Variants in DYM observed in about 807,000 individuals in gnomAD.
DYM encodes dyggve-Melchior-Clausen syndrome protein.
In DYM, 78 loss-of-function variants were observed where a neutral mutation model predicts 93.1. The observed-to-expected ratio is 0.84, with a 90% CI of 0.70 to 1.01. The LOEUF (loss-of-function observed/expected upper bound fraction) is 1.01, where lower values mean the gene tolerates loss of function less well. Ranked by LOEUF, DYM falls within the 50% of genes least tolerant of loss-of-function variation. The pLI, the probability that DYM is intolerant of heterozygous loss-of-function variation, is 0.00. For synonymous variants in DYM, 321 were observed against 319.7 expected (o/e 1.00, Z -0.04); for missense variants, 789 against 845.0 (o/e 0.93, Z 0.82).
chr18:49,056,229 T>C (rs1320218956), intron 17 of DYM, among the ~76,000 whole-genome samples: 3 of 152,182 alleles, frequency 2.0e-5, no homozygotes, highest in Non-Finnish European at 4.4e-5. Context: ...TCTGCTAGCA[T>C]TGCCACAGAG....
At chr18:49,053,541 C>T (rs901041731) in intron 17 of DYM, among the ~76,000 whole-genome samples, 1 of 152,088 alleles carries the variant, frequency 6.6e-6, no homozygotes, top group Non-Finnish European at 1.5e-5. Context: ...CAAGGCAGAC[C>T]AGTAACTGTT....
chr18:49,232,880 G>C (rs945183334), intron 13 of DYM, among the ~76,000 whole-genome samples: 4 of 151,972 alleles, frequency 2.6e-5, no homozygotes, highest in African/African-American at 9.7e-5. Flanking sequence ...AAAGTGCTGG[G>C]ATTACGGGAG....
intron 17 of DYM, among the ~76,000 whole-genome samples, chr18:49,066,972 T>C (rs939812891): frequency 6.6e-6 from 1 of 152,228 alleles, no homozygotes; most frequent in African/African-American, 2.4e-5. Context: ...AAAAGGCAGA[T>C]AGCAGGTCCT....
chr18:49,223,147 G>A (rs2093423072), intron 13 of DYM, among the ~76,000 whole-genome samples: 1 of 152,010 alleles, frequency 6.6e-6, no homozygotes, highest in East Asian at 1.9e-4. Flanking sequence ...AAGGACACAG[G>A]AAGATGCAAA....
intron 15 of DYM, among the ~76,000 whole-genome samples, chr18:49,136,209 G>T (rs978935073): frequency 5.9e-5 from 9 of 152,182 alleles, no homozygotes; most frequent in Non-Finnish European, 1.3e-4. Flanking sequence ...TTTAAAAACA[G>T]TTTGAAAGTC....
At chr18:49,322,236 A>G (rs911882706) in intron 8 of DYM, among the ~76,000 whole-genome samples, 6 of 152,240 alleles carry the variant, frequency 3.9e-5, no homozygotes, top group African/African-American at 1.4e-4. Flanking sequence ...TGGATGGCTC[A>G]TTCAAATGGA....
At chr18:49,266,156 G>C (rs2094567755) in intron 11 of DYM, among the ~76,000 whole-genome samples, 1 of 152,050 alleles carries the variant, frequency 6.6e-6, no homozygotes. Flanking sequence ...GGAAGAAAGA[G>C]ATGAAAAGAA....
intron 1 of DYM, among the ~76,000 whole-genome samples, chr18:49,458,923 TTGCTTTAAAA>T: frequency 6.6e-6 from 1 of 152,318 alleles, no homozygotes; most frequent in Middle Eastern, 3.4e-3. Context: ...TGTCTATGAT[TTGCTTTAAAA>T]TAATTGTGAG....
chr18:49,423,829 C>T (rs980114502), intron 2 of DYM, among the ~76,000 whole-genome samples: 10 of 152,152 alleles, frequency 6.6e-5, no homozygotes, highest in Non-Finnish European at 1.5e-5. Context: ...CACATACACC[C>T]TCCCAAGACT....
At chr18:49,150,233 A>G (rs574541263) in intron 15 of DYM, among the ~76,000 whole-genome samples, 3 of 152,228 alleles carry the variant, frequency 2.0e-5, no homozygotes, top group Non-Finnish European at 4.4e-5. Flanking sequence ...AAGAGAGATC[A>G]TATCTGATTA....
At chr18:49,112,106 T>TGCACCCGCCTCCTCTCC (rs1184612745) in intron 16 of DYM, among the ~76,000 whole-genome samples, 5 of 92,672 alleles carry the variant, frequency 5.4e-5, no homozygotes, top group Non-Finnish European at 8.2e-5. Context: ...TGCCTGCCTC[T>TGCACCCGCCTCCTCTCC]GCACCCGCCT....
At chr18:49,140,657 A>C (rs1165203839) in intron 15 of DYM, among the ~76,000 whole-genome samples, 2 of 152,246 alleles carry the variant, frequency 1.3e-5, no homozygotes, top group African/African-American at 4.8e-5. Context: ...AAACAAGTTT[A>C]TCTATTATCA....
chr18:49,412,236 TAAAAAAA>T (rs67065136), intron 2 of DYM, among the ~76,000 whole-genome samples: 4 of 135,096 alleles, frequency 3.0e-5, no homozygotes, highest in Non-Finnish European at 6.3e-5. Flanking sequence ...AACATTGACT[TAAAAAAA>T]AAAAAAAAAA....
intron 11 of DYM, among the ~76,000 whole-genome samples, chr18:49,268,082 T>C (rs2094602349): frequency 6.6e-6 from 1 of 152,138 alleles, no homozygotes; most frequent in South Asian, 2.1e-4. Flanking sequence ...ATTTAAAAAA[T>C]GGCAAAAAGA....
At chr18:49,378,251 TGAAA>T (rs2067699794) in intron 5 of DYM, among the ~76,000 whole-genome samples, 2 of 152,236 alleles carry the variant, frequency 1.3e-5, no homozygotes, top group Admixed American at 6.5e-5. Context: ...CTCTGTTTTC[TGAAA>T]GAAATACATA....
chr18:49,113,425 A>T (rs2081612237), intron 16 of DYM, among the ~76,000 whole-genome samples: 1 of 152,230 alleles, frequency 6.6e-6, no homozygotes, highest in South Asian at 2.1e-4. Context: ...GATAGGCACC[A>T]GTGTGTAATA....
chr18:49,081,996 A>T (rs2078090135), intron 17 of DYM, among the ~76,000 whole-genome samples: 1 of 152,222 alleles, frequency 6.6e-6, no homozygotes, highest in Admixed American at 6.5e-5. Flanking sequence ...AGCTGGTCTT[A>T]GTTCAGAGTT....
At chr18:49,230,547 A>G (rs2093664588) in intron 13 of DYM, among the ~76,000 whole-genome samples, 1 of 152,250 alleles carries the variant, frequency 6.6e-6, no homozygotes, top group Non-Finnish European at 1.5e-5. Flanking sequence ...CTATACTGAA[A>G]TGAGATAAGT....
rs1160168580 is a variant in DYM, at chr18:49,289,751, A to G, written c.764-3135T>C. ...TGTATATATATATATATATATATAT[A>G]TATATATATATATATATATATACAC... On this transcript the variant is annotated intron_variant, in intron 8 of 17. Coordinates refer to ENST00000675505, the MANE Select transcript of DYM (RefSeq NM_001353214.3). Among the ~76,000 whole-genome samples, 191 of 43,308 alleles carry G rather than the reference A, an allele frequency of 4.4e-3. 8 individuals are homozygous for G. The highest frequency in any genetic ancestry group is 0.014 in the African/African-American group (156 of 10,962). 28.4% of individuals were successfully genotyped at this position (43,308 alleles called of 152,430 possible). A position where few individuals can be genotyped will look rare whatever the true frequency, so the allele number is the denominator to read the frequency against.
Sources: gnomAD v4.1 joint callset for allele counts (sites outside exome capture counted in the v4.1 genomes callset) on GRCh38, gnomAD v4.1.1 for gene constraint, MANE v1.5 for transcripts, NCBI Gene and HGNC (gene_info 2026-07-23, HGNC 2026-07-21) for gene names.